Variants in PARP4 observed in about 807,000 individuals in gnomAD.
PARP4 encodes poly(ADP-ribose) polymerase family member 4.
PARP4 carries 120 observed loss-of-function variants against 187.7 expected under a neutral mutation model. The observed-to-expected ratio is 0.64, with a 90% confidence interval of 0.55 to 0.74. The LOEUF is 0.74. Ranked by LOEUF, PARP4 falls within the 30% of genes least tolerant of loss-of-function variation. PARP4 has a pLI of 0.00. For missense variants in PARP4, 1,836 were observed against 2,070.5 expected, an observed-to-expected ratio of 0.89 and a Z score of 2.20; for synonymous variants, 654 against 740.9, an observed-to-expected ratio of 0.88 and a Z score of 1.90.
intron 28 of PARP4, 89 bp from the exon 29 acceptor site, chr13:24,442,774 A>T: frequency 1.4e-6 from 1 of 701,832 alleles, no homozygotes; most frequent in Non-Finnish European, 2.5e-6. Context: ...TTTCAGACTA[A>T]ATATTGAATT....
intron 27 of PARP4, among the ~76,000 whole-genome samples, chr13:24,446,160 T>A (rs988193294): frequency 6.6e-6 from 1 of 152,240 alleles, no homozygotes; most frequent in African/African-American, 2.4e-5. Context: ...TGTACCTTTA[T>A]TGAGTTATGA....
chr13:24,476,605 A>G (rs1350804305), intron 14 of PARP4, among the ~76,000 whole-genome samples: 1 of 152,206 alleles, frequency 6.6e-6, no homozygotes, highest in East Asian at 1.9e-4. Flanking sequence ...ATATAAATAC[A>G]TATTGTCTTG....
In PARP4 at chr13:24,498,178, G is replaced by A. The variant is rs138375910; in HGVS notation, c.529C>T (p.Arg177Trp). 45 of 1,613,772 alleles carry A rather than the reference G, an allele frequency of 2.8e-5. 1 individual carries two copies. The highest frequency in any genetic ancestry group is 2.6e-4 in the South Asian group (24 of 91,052). ...EAVVVELQCS[R>W]DSRDCPFLIS... is the part of the protein sequence containing the mutation. ...AGGAAAGGACAGTCCCTGGAGTCCC[G>A]CGAACACTGAAGCTCCACCACCACA... Residue 177 changes from arginine to tryptophan, a missense_variant, in exon 6 of 34, where the codon CGG becomes TGG. Physicochemically the swap from Arg to Trp is moderately radical, Grantham distance 101. This residue lies in a region of PARP4 where 1,147 missense variants were observed against 1,214.2 expected (regional missense o/e 0.94). Coordinates refer to ENST00000381989, the MANE Select transcript of PARP4 (RefSeq NM_006437.4).
intron 24 of PARP4, 154 bp downstream of exon 24, chr13:24,452,252 A>G: frequency 1.6e-6 from 1 of 614,054 alleles, no homozygotes. Flanking sequence ...TCTGAGACTC[A>G]GGCAGTCTGG....
rs558441435 is a variant in PARP4, at chr13:24,426,791, C to T, written c.4847-193G>A. Among the ~76,000 whole-genome samples the T allele has an allele frequency of 2.7e-5, 4 of 147,244 alleles. No homozygotes were observed. The East Asian group carries it at 8.1e-4, about 30-fold the overall frequency. ...CCTGTAGTCCCAGCTACTCGGGAGG[C>T]TGAGGCAGGAGAACGGCGTGAACCC... On this transcript the variant is annotated intron_variant, in intron 32 of 33. Transcript: ENST00000381989.
At chr13:24,510,852 G>A (rs370584599) in intron 1 of PARP4, among the ~76,000 whole-genome samples, 21 of 152,224 alleles carry the variant, frequency 1.4e-4, no homozygotes, top group African/African-American at 4.8e-4. Context: ...GGAGTGCAGT[G>A]GTGTGGTCAC....
chr13:24,498,302 G>A, intron 5 of PARP4, 73 bp from the exon 6 acceptor site: 4 of 814,956 alleles, frequency 4.9e-6, no homozygotes, highest in Non-Finnish European at 8.2e-6. Flanking sequence ...TGAAAATGTT[G>A]ATTATAATTA....
intron 10 of PARP4, among the ~76,000 whole-genome samples, chr13:24,487,600 C>T (rs1480002417): frequency 3.9e-5 from 6 of 152,124 alleles, no homozygotes; most frequent in Non-Finnish European, 1.5e-5. Flanking sequence ...CACACTGGCT[C>T]TGAGTGGGTA....
In PARP4 at chr13:24,476,633, T is replaced by C. The variant is rs1373178112; in HGVS notation, c.1790-1037A>G. On this transcript the variant is annotated intron_variant, in intron 14 of 33. Coordinates refer to ENST00000381989, the MANE Select transcript of PARP4 (RefSeq NM_006437.4). ...TTGTCTTGCCAGATATTTCACTTAA[T>C]GACTCCCAGAGAAAAAACTGGAGTC... is the stretch of plus-strand genomic sequence containing the variant. Among the ~76,000 whole-genome samples the C allele has an allele frequency of 3.3e-5, 5 of 152,236 alleles. No homozygotes were observed. In the South Asian group the frequency reaches 1.0e-3, roughly 32 times the overall value.
chr13:24,500,668 G>C (rs755540690), intron 3 of PARP4, among the ~76,000 whole-genome samples: 1 of 152,178 alleles, frequency 6.6e-6, no homozygotes, highest in South Asian at 2.1e-4. Flanking sequence ...TCTTCTTGAA[G>C]AGTACAAAGT....
chr13:24,453,981 T>G lies in PARP4; in HGVS notation c.2759-327A>C, dbSNP rs185033049. Among the ~76,000 whole-genome samples, 365 of 151,364 alleles carry G rather than the reference T, an allele frequency of 2.4e-3. 3 individuals are homozygous for G. Among genetic ancestry groups the G allele is most frequent in the African/African-American group, 8.5e-3 (350 of 41,142 alleles). On this transcript the variant is annotated intron_variant, in intron 22 of 33. Transcript: ENST00000381989. The stretch of plus-strand genomic sequence containing the variant: ...AAATACAAAAATTAGCTGGGTGTGG[T>G]GGTGAGCACTGTAATCTCAGCCACT...
chr13:24,424,772 C>T (rs1465890435), intron 33 of PARP4, among the ~76,000 whole-genome samples: 10 of 150,770 alleles, frequency 6.6e-5, no homozygotes, highest in East Asian at 5.9e-4. Context: ...CCCAGGTTCA[C>T]GCCATTCTCC....
At chr13:24,441,818 A>C (rs1432190992) in intron 30 of PARP4, 28 bp downstream of exon 30, 3 of 1,556,040 alleles carry the variant, frequency 1.9e-6, no homozygotes, top group Non-Finnish European at 1.7e-6. Context: ...AAAGCTCAAT[A>C]TCAACTTATT....
chr13:24,452,328 C>T, intron 24 of PARP4, 78 bp downstream of exon 24: 1 of 1,190,404 alleles, frequency 8.4e-7, no homozygotes, highest in Non-Finnish European at 1.2e-6. Flanking sequence ...AACTTCCAAG[C>T]TTGCCAAAGT....
intron 24 of PARP4, among the ~76,000 whole-genome samples, chr13:24,451,337 T>G (rs1044933266): frequency 3.3e-5 from 5 of 152,208 alleles, no homozygotes; most frequent in African/African-American, 1.2e-4. Context: ...ATTTCTTCAT[T>G]GGCCTGTGAT....
intron 12 of PARP4, among the ~76,000 whole-genome samples, chr13:24,484,378 G>T (rs1214958731): frequency 6.6e-6 from 1 of 152,084 alleles, no homozygotes; most frequent in Non-Finnish European, 1.5e-5. Flanking sequence ...TTGCTATGCT[G>T]CATAGGCTGG....
intron 33 of PARP4, among the ~76,000 whole-genome samples, chr13:24,422,560 T>C (rs1216175588): frequency 6.6e-6 from 1 of 151,978 alleles, no homozygotes; most frequent in Non-Finnish European, 1.5e-5. Flanking sequence ...CATCCTGAAA[T>C]AGAAAATATA....
chr13:24,438,775 T>A (rs1310690138), intron 30 of PARP4, among the ~76,000 whole-genome samples: 6 of 152,074 alleles, frequency 3.9e-5, no homozygotes, highest in African/African-American at 1.4e-4. Context: ...TGAAGATGTA[T>A]CAAATAAGGA....
At chr13:24,440,042 A>G (rs1339732638) in intron 30 of PARP4, among the ~76,000 whole-genome samples, 2 of 152,218 alleles carry the variant, frequency 1.3e-5, no homozygotes, top group Non-Finnish European at 2.9e-5. Flanking sequence ...GTGTTTGCTT[A>G]AAGTATTATT....
Sources: gnomAD v4.1 joint callset for allele counts (sites outside exome capture counted in the v4.1 genomes callset) on GRCh38, gnomAD v4.1.1 for gene constraint, gnomAD v4.1.1 regional missense constraint, MANE v1.5 for transcripts, NCBI Gene and HGNC (gene_info 2026-07-23, HGNC 2026-07-21) for gene names.